RGS7: variants seen among roughly 807,000 people sequenced by gnomAD.
RGS7 encodes the protein regulator of G protein signaling 7.
In RGS7, 27 loss-of-function variants were observed where a neutral mutation model predicts 81.1. That is an observed-to-expected ratio of 0.33 (90% confidence interval 0.25 to 0.46). The LOEUF (loss-of-function observed/expected upper bound fraction) is 0.46. RGS7 is among the 20% of genes least tolerant of loss of function. The probability of loss-of-function intolerance (pLI) is 1.00; values close to 1 mark genes in which losing one functional copy is unlikely to be tolerated. For missense variants in RGS7, 396 were observed against 607.4 expected (o/e 0.65, Z 3.66); for synonymous variants, 208 against 207.7 (o/e 1.00, Z -0.01).
Position 241,352,409 on chromosome 1 carries a change from T to C in RGS7, c.78+3290A>G, listed in dbSNP as rs369106089. Reference sequence around the variant, plus strand: ...TTTAAACAAGACACCCTCAAGTACATAAAACACCACAGCCATTGTAATTTA... The same window carrying C: ...TTTAAACAAGACACCCTCAAGTACACAAAACACCACAGCCATTGTAATTTA... On this transcript the variant is annotated intron_variant, in intron 2 of 18. Transcript: ENST00000440928. Among the ~76,000 whole-genome samples, 15 of 152,312 alleles carry C rather than the reference T, an allele frequency of 9.8e-5. No homozygotes were observed. The East Asian group carries it at 2.3e-3, about 24-fold the overall frequency.
intron 6 of RGS7, among the ~76,000 whole-genome samples, chr1:240,895,461 C>T (rs962050860): frequency 5.3e-5 from 8 of 152,054 alleles, no homozygotes; most frequent in Admixed American, 1.3e-4. Flanking sequence ...TGACAGGCCC[C>T]GGTGTGTGAT....
intron 2 of RGS7, among the ~76,000 whole-genome samples, chr1:241,120,944 G>A (rs1236785388): frequency 1.3e-5 from 2 of 152,106 alleles, no homozygotes; most frequent in Non-Finnish European, 2.9e-5. Context: ...TTGAACTTTG[G>A]AGAAAGACTC....
At chr1:241,310,544 G>A (rs923370141) in intron 2 of RGS7, among the ~76,000 whole-genome samples, 1 of 151,396 alleles carries the variant, frequency 6.6e-6, no homozygotes, top group African/African-American at 2.4e-5. Flanking sequence ...CAAGAAGACA[G>A]GACTATGTCT....
chr1:240,993,683 T>C (rs1686860739), intron 3 of RGS7, among the ~76,000 whole-genome samples: 1 of 152,000 alleles, frequency 6.6e-6, no homozygotes, highest in Non-Finnish European at 1.5e-5. Flanking sequence ...CAAGGTCTTT[T>C]TCAGAAAAAA....
intron 14 of RGS7, among the ~76,000 whole-genome samples, chr1:240,811,533 A>G (rs976210536): frequency 7.9e-5 from 12 of 152,234 alleles, no homozygotes; most frequent in African/African-American, 2.9e-4. Context: ...CTTGCTTGAG[A>G]AGTGATACGC....
intron 2 of RGS7, among the ~76,000 whole-genome samples, chr1:241,254,129 G>A (rs894451285): frequency 6.6e-6 from 1 of 151,642 alleles, no homozygotes; most frequent in African/African-American, 2.4e-5. Context: ...AAACCCGGGA[G>A]GTGGGGCTTG....
At chr1:241,310,739 C>G (rs937522319) in intron 2 of RGS7, among the ~76,000 whole-genome samples, 3 of 152,110 alleles carry the variant, frequency 2.0e-5, no homozygotes, top group Non-Finnish European at 4.4e-5. Flanking sequence ...CAATTCAGAA[C>G]TGTCCTACTT....
chr1:241,225,862 T>C (rs749368009), intron 2 of RGS7, among the ~76,000 whole-genome samples: 3 of 152,222 alleles, frequency 2.0e-5, no homozygotes, highest in Non-Finnish European at 4.4e-5. Flanking sequence ...CATGATAAGC[T>C]GGCTCTGTTT....
chr1:241,327,142 GAAAGGAAA>G (rs779738118), intron 2 of RGS7, among the ~76,000 whole-genome samples: 3,252 of 83,372 alleles, frequency 0.039, 66 homozygotes, highest in Non-Finnish European at 0.061. Context: ...AAGAAAGAAA[GAAAGGAAA>G]GAAAGAAAGA....
intron 6 of RGS7, among the ~76,000 whole-genome samples, chr1:240,905,339 A>G (rs1340205405): frequency 6.6e-6 from 1 of 152,218 alleles, no homozygotes; most frequent in African/African-American, 2.4e-5. Context: ...CCTTGTTACC[A>G]ACAAAGATTT....
Position 241,164,720 on chromosome 1 carries a change from A to G in RGS7, c.79-65958T>C, listed in dbSNP as rs2070042280. Among the ~76,000 whole-genome samples the G allele has an allele frequency of 6.6e-6, 1 of 152,234 alleles. No homozygotes were observed. Among genetic ancestry groups the G allele is most frequent in the Admixed American group, 6.5e-5 (1 of 15,286 alleles). On this transcript the variant is annotated intron_variant, in intron 2 of 18. Coordinates refer to ENST00000440928, the MANE Select transcript of RGS7 (RefSeq NM_001364886.1). This position sits in a 1 kb window ranked among gnomAD's most constrained non-coding sequence, Gnocchi z 4.1. The stretch of plus-strand genomic sequence containing the variant: ...TGTTTAAAAAATACTGCGCAGGCCA[A>G]CAAAACACATCCCCTACTCAGATTC...
At chr1:241,049,885 A>G (rs1316242240) in intron 3 of RGS7, among the ~76,000 whole-genome samples, 1 of 152,174 alleles carries the variant, frequency 6.6e-6, no homozygotes, top group African/African-American at 2.4e-5. Flanking sequence ...TACTAACCCA[A>G]AAAGGTTACA....
intron 14 of RGS7, among the ~76,000 whole-genome samples, chr1:240,811,470 A>T (rs1689840903): frequency 1.3e-5 from 2 of 152,224 alleles, no homozygotes; most frequent in Admixed American, 1.3e-4. Flanking sequence ...GAGACAGCCC[A>T]ATAGTTTGGT....
At chr1:240,960,932 T>A (rs1681324792) in intron 4 of RGS7, among the ~76,000 whole-genome samples, 1 of 152,152 alleles carries the variant, frequency 6.6e-6, no homozygotes, top group Non-Finnish European at 1.5e-5. Context: ...GCATGCCAAG[T>A]GCAATTATGA....
chr1:240,867,351 T>C (rs932814845), intron 9 of RGS7, among the ~76,000 whole-genome samples: 2 of 152,340 alleles, frequency 1.3e-5, no homozygotes, highest in South Asian at 2.1e-4. Flanking sequence ...TATGAACCTA[T>C]TATTTATTCT....
At chr1:240,814,900 GT>G in intron 11 of RGS7, 123 bp from the exon 12 acceptor site, 2 of 716,246 alleles carry the variant, frequency 2.8e-6, no homozygotes, top group Non-Finnish European at 5.0e-6. Flanking sequence ...CAATTTCAAA[GT>G]TGGTTAAAAA....
intron 4 of RGS7, among the ~76,000 whole-genome samples, chr1:240,967,584 A>G (rs1682542683): frequency 6.7e-6 from 1 of 148,920 alleles, no homozygotes; most frequent in African/African-American, 2.5e-5. Context: ...GGGGGGGGAA[A>G]AGGCTGTAGC....
chr1:240,864,576 G>A (rs1662878942), intron 9 of RGS7, among the ~76,000 whole-genome samples: 1 of 152,116 alleles, frequency 6.6e-6, no homozygotes, highest in Non-Finnish European at 1.5e-5. Flanking sequence ...TTGCGTTCCT[G>A]CACCTAGAGG....
chr1:241,325,041 A>G (rs1488405028), intron 2 of RGS7, among the ~76,000 whole-genome samples: 1 of 152,254 alleles, frequency 6.6e-6, no homozygotes, highest in Non-Finnish European at 1.5e-5. Context: ...TAACCCTGAT[A>G]TGGGAAAATT....
Sources: allele counts gnomAD v4.1 joint callset (sites outside exome capture counted in the v4.1 genomes callset), GRCh38; gene constraint gnomAD v4.1.1; non-coding constraint Gnocchi (gnomAD v3.1); transcripts MANE v1.5; gene names NCBI Gene and HGNC (gene_info 2026-07-23, HGNC 2026-07-21).